The following ZNF69 variants were observed in gnomAD, a reference collection of about 807,000 sequenced individuals.
ZNF69 encodes the protein ZNF3.
ZNF69 carries 47 observed loss-of-function variants against 50.9 expected under a neutral mutation model. That is an observed-to-expected ratio of 0.92 (90% CI 0.73 to 1.18). The LOEUF (loss-of-function observed/expected upper bound fraction) is 1.18. Among genes scored for constraint, ZNF69 ranks in the 50% most tolerant of loss-of-function variants. ZNF69 has a pLI of 0.00. For missense variants in ZNF69, 717 were observed against 675.1 expected (o/e 1.06, Z -0.69); for synonymous variants, 216 against 223.1 (o/e 0.97, Z 0.29).
intron 1 of ZNF69, among the ~76,000 whole-genome samples, chr19:11,889,373 C>A (rs190276011): frequency 6.6e-6 from 1 of 152,346 alleles, no homozygotes; most frequent in Non-Finnish European, 1.5e-5. Flanking sequence ...TGTCTCACCT[C>A]CCATCCTGTC....
chr19:11,908,952 A>G (rs561377473), downstream of ZNF69, among the ~76,000 whole-genome samples: 3 of 152,226 alleles, frequency 2.0e-5, no homozygotes, highest in Non-Finnish European at 4.4e-5. Context: ...AAAAGAGAGA[A>G]GAATCAAATA....
the ZNF69 span, among the ~76,000 whole-genome samples, chr19:11,966,402 C>T: frequency 6.6e-6 from 1 of 152,098 alleles, no homozygotes; most frequent in Non-Finnish European, 1.5e-5. Context: ...GAGACAGAAT[C>T]TCCTTCTGTC....
At position 11,904,670 on chromosome 19, in the gene ZNF69, C is replaced by G; in HGVS notation, c.273C>G (p.Val91=). 3 of 1,612,642 alleles carry G rather than the reference C, an allele frequency of 1.9e-6. No individual in the cohort carries two copies. The highest frequency in any genetic ancestry group is 2.5e-6 in the Non-Finnish European group (3 of 1,179,618). ...ACAGGAGTCTCATAGAAAAGAAAGT[C>G]AATGAAATTAAAGATGACAGTCATT... The part of the protein sequence containing the change: ...RNFRSLIEKK[V]NEIKDDSHCG... The change falls in exon 4 of 4, where the codon GTC becomes GTG. Residue 91 remains valine, a synonymous_variant. Coordinates refer to ENST00000429654, the MANE Select transcript of ZNF69 (RefSeq NM_001364730.1).
At chr19:11,942,669 G>A in the ZNF69 span, among the ~76,000 whole-genome samples, 1 of 152,212 alleles carries the variant, frequency 6.6e-6, no homozygotes, top group Admixed American at 6.5e-5. Context: ...AATTGGGGCT[G>A]CATGCATCGG....
the ZNF69 span, among the ~76,000 whole-genome samples, chr19:11,965,856 GA>G: frequency 5.9e-5 from 9 of 152,180 alleles, no homozygotes; most frequent in African/African-American, 1.9e-4. Flanking sequence ...GAATTGCAGG[GA>G]AAATCATGAA....
intron 1 of ZNF69, among the ~76,000 whole-genome samples, chr19:11,891,721 A>G (rs370833961): frequency 3.4e-4 from 52 of 152,304 alleles, no homozygotes; most frequent in African/African-American, 1.3e-3. Context: ...TTGGGACATC[A>G]GGACATTCTG....
At chr19:11,920,440 T>C in the ZNF69 span, among the ~76,000 whole-genome samples, 2 of 152,154 alleles carry the variant, frequency 1.3e-5, no homozygotes, top group Non-Finnish European at 2.9e-5. Context: ...TATGTGTGTG[T>C]GTATTTCTCT....
chr19:11,891,761 G>T (rs1977093985), intron 1 of ZNF69, among the ~76,000 whole-genome samples: 1 of 152,122 alleles, frequency 6.6e-6, no homozygotes, highest in African/African-American at 2.4e-5. Flanking sequence ...ATACTTGCAG[G>T]CATCTTCAGG....
chr19:11,961,966 T>C, the ZNF69 span, among the ~76,000 whole-genome samples: 2 of 148,966 alleles, frequency 1.3e-5, no homozygotes, highest in Admixed American at 1.3e-4. Context: ...CACATATATA[T>C]TGTTTTCTTT....
chr19:11,904,910 A>G lies in ZNF69; in HGVS notation c.513A>G (p.Lys171=). The G allele has an allele frequency of 6.2e-7, 1 of 1,614,224 alleles. No individual in the cohort carries two copies. Among genetic ancestry groups the G allele is most frequent in the Non-Finnish European group, 8.5e-7 (1 of 1,180,030 alleles). ...CATGTAAGTGTCAACAACCTAAAAA[A>G]GCCTTCAGATATCACCCCTCCTTTA... ...PKPCKCQQPK[K]AFRYHPSFRT... is the part of the protein sequence containing the mutation. Residue 171 remains lysine, a synonymous_variant, in exon 4 of 4, where the codon AAA becomes AAG. Coordinates refer to ENST00000429654, the MANE Select transcript of ZNF69 (RefSeq NM_001364730.1).
chr19:11,923,995 C>A, the ZNF69 span, among the ~76,000 whole-genome samples: 1 of 152,104 alleles, frequency 6.6e-6, no homozygotes, highest in Non-Finnish European at 1.5e-5. Flanking sequence ...AGCTGCAGAG[C>A]CCTGGAAAGC....
the ZNF69 span, chr19:11,947,394 A>G: frequency 6.2e-7 from 1 of 1,606,148 alleles, no homozygotes; most frequent in South Asian, 1.1e-5. Flanking sequence ...TTGAACATAG[A>G]CAGGAAATAC....
At chr19:11,978,849 G>A in the ZNF69 span, 1 of 1,614,198 alleles carries the variant, frequency 6.2e-7, no homozygotes, top group African/African-American at 1.3e-5. Context: ...TCACACTGGG[G>A]AGAAGCCCTG....
the ZNF69 span, among the ~76,000 whole-genome samples, chr19:11,954,332 G>C: frequency 1.3e-5 from 2 of 152,152 alleles, no homozygotes; most frequent in Middle Eastern, 3.2e-3. Context: ...GCAGATGAAG[G>C]CTCCCTCAGA....
the ZNF69 span, among the ~76,000 whole-genome samples, chr19:11,964,123 GAGAA>G: frequency 4.6e-5 from 7 of 152,154 alleles, no homozygotes; most frequent in East Asian, 1.9e-4. Flanking sequence ...TGCAAAGGAA[GAGAA>G]AGAGAGATTC....
the ZNF69 span, among the ~76,000 whole-genome samples, chr19:11,963,074 T>TGAGAGAGAGAGAGAGA: frequency 0.03 from 4,037 of 134,342 alleles, 368 homozygotes; most frequent in African/African-American, 0.13. Flanking sequence ...GGTAGTTTGG[T>TGAGAGAGAGAGAGAGA]GAGAGAGAGA....
chr19:11,913,460 G>A, exon 5 of ZNF69: 1 of 500,148 alleles, frequency 2.0e-6, no homozygotes, highest in Non-Finnish European at 3.6e-6. Flanking sequence ...ATGATCTCAG[G>A]TCGCTGCAAC....
At chr19:11,907,898 A>T (rs1568281773), downstream of ZNF69, among the ~76,000 whole-genome samples, 1 of 152,152 alleles carries the variant, frequency 6.6e-6, no homozygotes, top group Non-Finnish European at 1.5e-5. Context: ...AAGAATCAAG[A>T]CCCATCAGTG....
chr19:11,978,604 C>G, the ZNF69 span: 5 of 1,614,132 alleles, frequency 3.1e-6, no homozygotes, highest in East Asian at 6.7e-5. Context: ...GGAGAGAAAC[C>G]GTATGAATGT....
Sources: allele counts gnomAD v4.1 joint callset (sites outside exome capture counted in the v4.1 genomes callset), GRCh38; gene constraint gnomAD v4.1.1; transcripts MANE v1.5; gene names NCBI Gene and HGNC (gene_info 2026-07-23, HGNC 2026-07-21).